VLDLR: variants seen among roughly 807,000 people sequenced by gnomAD.
VLDLR encodes the protein very low density lipoprotein receptor, also known as very low-density lipoprotein receptor.
VLDLR carries 81 observed loss-of-function variants against 112.7 expected under a neutral mutation model. The ratio of observed to expected loss-of-function variants is 0.72; its 90% CI spans 0.60 to 0.86. The LOEUF (loss-of-function observed/expected upper bound fraction) is 0.86, where lower values mean the gene tolerates loss of function less well. VLDLR is among the 40% of genes least tolerant of loss of function. The pLI, the probability that VLDLR is intolerant of heterozygous loss-of-function variation, is 0.00. For missense variants in VLDLR, 1,237 were observed against 1,099.4 expected, an observed-to-expected ratio of 1.13 and a Z score of -1.77; for synonymous variants, 436 against 384.8, an observed-to-expected ratio of 1.13 and a Z score of -1.56.
chr9:2,635,933 G>A (rs1337599026), intron 2 of VLDLR, among the ~76,000 whole-genome samples: 1 of 146,098 alleles, frequency 6.8e-6, no homozygotes, highest in Non-Finnish European at 1.5e-5. Flanking sequence ...TAGAAAAGAA[G>A]GCAAGCCATG....
chr9:2,643,135 A>G (rs778500408), intron 4 of VLDLR, 25 bp from the exon 5 acceptor site: 1 of 1,605,064 alleles, frequency 6.2e-7, no homozygotes, highest in South Asian at 1.1e-5. Flanking sequence ...ATGCATTTTC[A>G]GTGGGGCATC....
chr9:2,643,424 A>C lies in VLDLR; in HGVS notation c.713A>C (p.Lys238Thr). ...QCGRQPVIHT[K>T]CPASEIQCGS... ...GGCCGTCAGCCAGTCATACACACCAAGTGTCCAGCCAGCGAAATCCAGTGC... is the reference window on the plus strand; with the variant it reads ...GGCCGTCAGCCAGTCATACACACCACGTGTCCAGCCAGCGAAATCCAGTGC... Residue 238 changes from lysine (K) to threonine (T), a missense_variant, in exon 5 of 19, where the codon AAG (lysine) becomes ACG (threonine). Physicochemically the swap from Lys to Thr is moderately conservative, Grantham distance 78 (BLOSUM62 -1). Coordinates refer to ENST00000382100, the MANE Select transcript of VLDLR (RefSeq NM_003383.5). The C allele has an allele frequency of 1.2e-6, 2 of 1,614,192 alleles. No homozygotes were observed. Among genetic ancestry groups the C allele is most frequent in the Non-Finnish European group, 1.7e-6 (2 of 1,180,026 alleles).
chr9:2,622,168 C>A lies in VLDLR; in HGVS notation c.-22C>A. On this transcript the variant is annotated 5_prime_UTR_variant, in exon 1 of 19. Coordinates refer to ENST00000382100, the MANE Select transcript of VLDLR (RefSeq NM_003383.5). ...CGAACGGCGGCGGCGGCGGCGGCGG[C>A]GGCACCATCCAGGCGGGCACCATGG... 6.8e-7 allele frequency: 1 copy of A among 1,478,448 alleles called. No homozygotes were observed. The highest frequency in any genetic ancestry group is 8.9e-7 in the Non-Finnish European group (1 of 1,119,636). 91.6% of individuals were successfully genotyped at this position (1,478,448 alleles called of 1,614,324 possible). A position where few individuals can be genotyped will look rare whatever the true frequency, so the allele number is the denominator to read the frequency against.
At position 2,622,036 on chromosome 9, in the gene VLDLR, C is replaced by A; in HGVS notation, c.-154C>A. On this transcript the variant is annotated 5_prime_UTR_variant, in exon 1 of 19. Coordinates refer to ENST00000382100, the MANE Select transcript of VLDLR (RefSeq NM_003383.5). Reference sequence around the variant, plus strand: ...GTAGGGGAGGGGGTGCCCTCTTCTTCCCCGCTCCCTTCCCCCGCCAACTCC... The same window carrying A: ...GTAGGGGAGGGGGTGCCCTCTTCTTACCCGCTCCCTTCCCCCGCCAACTCC... 1.3e-6 allele frequency: 1 copy of A among 746,764 alleles called. No homozygotes were observed. The highest frequency in any genetic ancestry group is 3.2e-5 in the East Asian group (1 of 30,930). 46.3% of individuals were successfully genotyped at this position (746,764 alleles called of 1,614,324 possible). A position where few individuals can be genotyped will look rare whatever the true frequency, so the allele number is the denominator to read the frequency against.
At chr9:2,626,276 C>A (rs1320886965) in intron 1 of VLDLR, among the ~76,000 whole-genome samples, 1 of 152,112 alleles carries the variant, frequency 6.6e-6, no homozygotes, top group Non-Finnish European at 1.5e-5. Flanking sequence ...ATACACATAG[C>A]CTGAAGGTAA....
chr9:2,651,544 CACTCTTTGTATCTACAGCTTAAATA>C (rs1376180013), intron 16 of VLDLR, 46 bp downstream of exon 16: 21 of 1,489,774 alleles, frequency 1.4e-5, no homozygotes, highest in Non-Finnish European at 1.9e-5. Flanking sequence ...CTAACAGCCA[CACTCTTTGTATCTACAGCTTAAATA>C]ATTAATGCAG....
Position 2,657,490 on chromosome 9 carries a change from G to A in VLDLR, c.*3622G>A, listed in dbSNP as rs899730482. 8.5e-5 allele frequency: 13 copies of A among 152,200 alleles called. No homozygotes were observed. Among genetic ancestry groups the A allele is most frequent in the African/African-American group, 1.9e-4 (8 of 41,452 alleles). The allele number at this position is 152,200 out of a possible 1,614,324, so 9.4% of individuals were successfully genotyped here. A position where few individuals can be genotyped will look rare whatever the true frequency, so the allele number is the denominator to read the frequency against. On this transcript the variant is annotated 3_prime_UTR_variant, in exon 19 of 19. Coordinates refer to ENST00000382100, the MANE Select transcript of VLDLR (RefSeq NM_003383.5). The stretch of plus-strand genomic sequence containing the variant: ...TACATCAAACTCCTAACAAGTAGGA[G>A]CAGCAACTAGCTAAAGAGTAGAAAG...
rs1187420553 is a variant in VLDLR at position 2,644,772 on chromosome 9, C to T, written c.1105C>T (p.His369Tyr). The change falls in exon 8 of 19, where the codon CAT (histidine) becomes TAT (tyrosine). Residue 369 changes from histidine (H) to tyrosine (Y), a missense_variant. By Grantham distance (83) the His-to-Tyr change is moderately conservative. Coordinates refer to ENST00000382100, the MANE Select transcript of VLDLR (RefSeq NM_003383.5). ...ECLVNNGGCS[H>Y]ICKDLVIGYE... is the part of the protein sequence containing the mutation. ...CTTGGTAAATAATGGTGGATGTTCT[C>T]ATATCTGCAAAGACCTAGTTATAGG... 1 of 1,614,122 alleles carries T rather than the reference C, an allele frequency of 6.2e-7. No homozygotes were observed. The highest frequency in any genetic ancestry group is 2.2e-5 in the East Asian group (1 of 44,884).
In VLDLR at chr9:2,652,937, C is replaced by A; in HGVS notation, c.2574C>A (p.His858Gln). Residue 858 changes from histidine (H) to glutamine (Q), a missense_variant, in exon 18 of 19, where the codon CAC (histidine) becomes CAA (glutamine). By Grantham distance (24) the His-to-Gln change is conservative. Transcript: ENST00000382100. ...GTAGACACAGTGCTTCTGTTGGACA[C>A]ACGTACCCAGCAGTAAGTCAGCTTT... is the stretch of plus-strand genomic sequence containing the variant. The part of the protein sequence containing the change: ...DIGRHSASVG[H>Q]TYPAISVVST... The A allele has an allele frequency of 6.2e-7, 1 of 1,614,078 alleles. No homozygotes were observed. Among genetic ancestry groups the A allele is most frequent in the Non-Finnish European group, 8.5e-7 (1 of 1,179,948 alleles).
rs116306908 is a variant in VLDLR, at chr9:2,643,875, A to G, written c.982A>G (p.Ser328Gly). ...GGGCCCTGGAAAATTCAAGTGCAGA[A>G]GTGGAGAATGCATAGATATCAGCAA... ...CLGPGKFKCRSGECIDISKVC... is the reference protein window; with the variant it reads ...CLGPGKFKCRGGECIDISKVC... The change falls in exon 7 of 19, where the codon AGT (serine) becomes GGT (glycine). Residue 328 changes from serine to glycine, a missense_variant. Ser to Gly is a moderately conservative substitution (Grantham distance 56). Coordinates refer to ENST00000382100, the MANE Select transcript of VLDLR (RefSeq NM_003383.5). 659 of 1,614,184 alleles carry G rather than the reference A, an allele frequency of 4.1e-4. 3 individuals are homozygous for G. In the African/African-American group the frequency reaches 7.6e-3, roughly 19 times the overall value.
rs1265249011 is a variant in VLDLR at position 2,622,453 on chromosome 9, C to G, written c.82+182C>G. On this transcript the variant is annotated intron_variant, in intron 1 of 18. Coordinates refer to ENST00000382100, the MANE Select transcript of VLDLR (RefSeq NM_003383.5). The stretch of plus-strand genomic sequence containing the variant: ...CTGTCAGCGCCGAGGCTAAAGGGAG[C>G]CGGGCTTGGGGAACAGCGGGGTTCG... 2.3e-5 allele frequency: 12 copies of G among 529,824 alleles called. No individual in the cohort carries two copies. In the East Asian group the frequency reaches 3.6e-4, roughly 16 times the overall value. The allele number at this position is 529,824 out of a possible 1,614,324, so 32.8% of individuals were successfully genotyped here.
In VLDLR at chr9:2,621,888, T is replaced by G. The variant is rs1007541973; in HGVS notation, c.-302T>G. The stretch of plus-strand genomic sequence containing the variant: ...GGCTCCCCACCCCCTCTCCCTTCCC[T>G]CCTCTCCCCTTGCCTCCCCTCCTCT... On this transcript the variant is annotated 5_prime_UTR_variant, in exon 1 of 19. Coordinates refer to ENST00000382100, the MANE Select transcript of VLDLR (RefSeq NM_003383.5). 6 of 592,880 alleles carry G rather than the reference T, an allele frequency of 1.0e-5. No individual in the cohort carries two copies. Among genetic ancestry groups the G allele is most frequent in the African/African-American group, 9.4e-5 (5 of 53,446 alleles). 36.7% of individuals were successfully genotyped at this position (592,880 alleles called of 1,614,324 possible). A position where few individuals can be genotyped will look rare whatever the true frequency, so the allele number is the denominator to read the frequency against.
At chr9:2,641,082 AG>A (rs1288772893) in intron 3 of VLDLR, among the ~76,000 whole-genome samples, 1 of 152,192 alleles carries the variant, frequency 6.6e-6, no homozygotes, top group African/African-American at 2.4e-5. Context: ...GGAGCAGGCC[AG>A]CCAATAAACT....
intron 1 of VLDLR, among the ~76,000 whole-genome samples, chr9:2,622,696 C>A (rs1586627984): frequency 6.6e-6 from 1 of 152,070 alleles, no homozygotes; most frequent in East Asian, 1.9e-4. Flanking sequence ...CCTCGAACCC[C>A]GGGGAGTGCG....
At chr9:2,624,939 G>C (rs1205879593) in intron 1 of VLDLR, among the ~76,000 whole-genome samples, 1 of 152,154 alleles carries the variant, frequency 6.6e-6, no homozygotes, top group African/African-American at 2.4e-5. Flanking sequence ...TATAGTGCCT[G>C]TCCTGTGTCA....
intron 2 of VLDLR, 57 bp from the exon 3 acceptor site, chr9:2,639,802 A>T (rs1289737213): frequency 6.2e-7 from 1 of 1,613,694 alleles, no homozygotes; most frequent in African/African-American, 1.3e-5. Flanking sequence ...CCCTCATGTG[A>T]AGCTAGGGCT....
rs770309395 is a variant in VLDLR, at chr9:2,646,427, C to T, written c.1578C>T (p.Thr526=). ...AAIAVDWVYK[T]IYWTDAASKT... ...TTGCTGTTGATTGGGTGTACAAGAC[C>T]ATCTACTGGACTGATGCGGCTTCTA... The change falls in exon 11 of 19, where the codon ACC becomes ACT. Residue 526 remains threonine (T), a synonymous_variant. Coordinates refer to ENST00000382100, the MANE Select transcript of VLDLR (RefSeq NM_003383.5). 6.2e-7 allele frequency: 1 copy of T among 1,614,068 alleles called. No individual in the cohort carries two copies. Among genetic ancestry groups the T allele is most frequent in the Non-Finnish European group, 8.5e-7 (1 of 1,180,012 alleles).
intron 2 of VLDLR, 106 bp from the exon 3 acceptor site, chr9:2,639,753 C>G (rs939454574): frequency 5.1e-5 from 80 of 1,572,170 alleles, no homozygotes; most frequent in Admixed American, 4.9e-4. Flanking sequence ...ATTGACTCAG[C>G]TTTTTTTTAG....
chr9:2,656,255 T>C lies in VLDLR; in HGVS notation c.*2387T>C, dbSNP rs1818601150. On this transcript the variant is annotated 3_prime_UTR_variant, in exon 19 of 19. Coordinates refer to ENST00000382100, the MANE Select transcript of VLDLR (RefSeq NM_003383.5). ...ATTGTACCTACGAGGTACAAACTCA[T>C]TTGTAGAAACAAAGTAACTAGATAT... The C allele has an allele frequency of 1.3e-5, 2 of 152,068 alleles. No homozygotes were observed. The highest frequency in any genetic ancestry group is 2.4e-5 in the African/African-American group (1 of 41,384). 9.4% of individuals were successfully genotyped at this position (152,068 alleles called of 1,614,324 possible).
Sources: allele counts gnomAD v4.1 joint callset (sites outside exome capture counted in the v4.1 genomes callset), GRCh38; gene constraint gnomAD v4.1.1; transcripts MANE v1.5; gene names NCBI Gene and HGNC (gene_info 2026-07-23, HGNC 2026-07-21).